The following PRDM6 variants were observed in gnomAD, a reference collection of about 807,000 sequenced individuals.
The protein encoded by PRDM6 is PR/SET domain 6, also known as putative histone-lysine N-methyltransferase PRDM6.
Under a neutral mutation model 60.8 loss-of-function variants are expected in PRDM6, and 25 were observed. That is an observed-to-expected ratio of 0.41 (90% CI 0.30 to 0.57). The LOEUF (loss-of-function observed/expected upper bound fraction) is 0.57. PRDM6 is among the 20% of genes least tolerant of loss of function. The probability of loss-of-function intolerance (pLI) is 0.27; values close to 1 mark genes in which losing one functional copy is unlikely to be tolerated. For synonymous variants in PRDM6, 407 were observed against 357.4 expected (o/e 1.14, Z -1.57); for missense variants, 839 against 821.3 (o/e 1.02, Z -0.26).
In PRDM6 at chr5:123,089,577, GT is replaced by G. The variant is rs1763753916; in HGVS notation, c.-16+59del. 10 of 171,718 alleles carry G rather than the reference GT, an allele frequency of 5.8e-5. No homozygotes were observed. In the South Asian group the frequency reaches 1.6e-3, roughly 28 times the overall value. The allele number at this position is 171,718 out of a possible 1,614,324, so 10.6% of individuals were successfully genotyped here. Reference sequence around the variant, plus strand: ...TAGGGCTTGGTAGATAGGAAGGTTGGTGGTCCTAGGTTGGGGGCGGGCGGCG... The same window carrying G: ...TAGGGCTTGGTAGATAGGAAGGTTGGGGTCCTAGGTTGGGGGCGGGCGGCG... On this transcript the variant is annotated intron_variant, in intron 1 of 7. Coordinates refer to ENST00000407847, the MANE Select transcript of PRDM6 (RefSeq NM_001136239.4).
intron 2 of PRDM6, among the ~76,000 whole-genome samples, chr5:123,094,538 A>G (rs181913019): frequency 7.5e-4 from 114 of 151,966 alleles, no homozygotes; most frequent in African/African-American, 2.6e-3. Context: ...GCGCCCTGAA[A>G]CCGAACATAC....
At chr5:123,100,226 T>C (rs1764069056) in intron 3 of PRDM6, among the ~76,000 whole-genome samples, 1 of 152,100 alleles carries the variant, frequency 6.6e-6, no homozygotes, top group African/African-American at 2.4e-5. Context: ...GAAGACAGAG[T>C]CACCTTAAGC....
Position 123,176,886 on chromosome 5 carries a change from A to G in PRDM6, c.1497-3261A>G, listed in dbSNP as rs148418648. Among the ~76,000 whole-genome samples the G allele has an allele frequency of 3.5e-3, 534 of 152,334 alleles. 2 individuals are homozygous for G. The highest frequency in any genetic ancestry group is 4.7e-3 in the African/African-American group (195 of 41,574). On this transcript the variant is annotated intron_variant, in intron 6 of 7. Coordinates refer to ENST00000407847, the MANE Select transcript of PRDM6 (RefSeq NM_001136239.4). ...ACTGATTATATCCAAAAATTTAATA[A>G]GTCTTACCTTTTGGTCAGACCTTGG...
chr5:123,151,942 T>C (rs890370729), intron 3 of PRDM6, among the ~76,000 whole-genome samples: 15 of 152,144 alleles, frequency 9.9e-5, no homozygotes, highest in Admixed American at 9.8e-4. Flanking sequence ...TTAAAGGGGA[T>C]CCTTCACTTA....
At chr5:123,149,641 T>C (rs1580519408) in intron 3 of PRDM6, among the ~76,000 whole-genome samples, 1 of 152,310 alleles carries the variant, frequency 6.6e-6, no homozygotes, top group Non-Finnish European at 1.5e-5. Context: ...TTTAGGAAAG[T>C]GTGGAGTTGA....
At chr5:123,184,112 A>T (rs1163387145) in intron 7 of PRDM6, among the ~76,000 whole-genome samples, 2 of 152,222 alleles carry the variant, frequency 1.3e-5, no homozygotes, top group Non-Finnish European at 2.9e-5. Flanking sequence ...AAATCAGTAA[A>T]TATGCATTGA....
chr5:123,113,054 A>G (rs1764352519), intron 3 of PRDM6, among the ~76,000 whole-genome samples: 1 of 152,196 alleles, frequency 6.6e-6, no homozygotes, highest in Non-Finnish European at 1.5e-5. Context: ...TTGAATTAAC[A>G]TAAAAATTGA....
intron 3 of PRDM6, among the ~76,000 whole-genome samples, chr5:123,152,980 G>A (rs1765403023): frequency 6.6e-6 from 1 of 152,082 alleles, no homozygotes; most frequent in Admixed American, 6.6e-5. Flanking sequence ...TAAGAATTAG[G>A]TCTCCCTTTT....
chr5:123,096,316 A>G (rs1763958778), intron 2 of PRDM6, among the ~76,000 whole-genome samples: 1 of 152,000 alleles, frequency 6.6e-6, no homozygotes, highest in African/African-American at 2.4e-5. Context: ...ACATTTATAC[A>G]TAGTTTGGTC....
intron 3 of PRDM6, among the ~76,000 whole-genome samples, chr5:123,105,774 C>G (rs1764187326): frequency 6.6e-6 from 1 of 152,210 alleles, no homozygotes; most frequent in Non-Finnish European, 1.5e-5. Flanking sequence ...ACAGGAAATA[C>G]AGACTTCGGT....
intron 3 of PRDM6, among the ~76,000 whole-genome samples, chr5:123,110,446 A>C (rs1032450405): frequency 6.6e-6 from 1 of 150,674 alleles, no homozygotes. Flanking sequence ...TTTAGTAGAG[A>C]TGGGGTTTCA....
intron 3 of PRDM6, among the ~76,000 whole-genome samples, chr5:123,142,994 A>G (rs1398641646): frequency 6.6e-6 from 1 of 151,906 alleles, no homozygotes; most frequent in Non-Finnish European, 1.5e-5. Context: ...TACTTCAGAG[A>G]CCGAAGAAAC....
intron 3 of PRDM6, among the ~76,000 whole-genome samples, chr5:123,122,432 A>G (rs2150218564): frequency 6.6e-6 from 1 of 152,238 alleles, no homozygotes; most frequent in Non-Finnish European, 1.5e-5. Flanking sequence ...CATTTTATTT[A>G]TTGGATTTCT....
Position 123,155,949 on chromosome 5 carries a change from G to T in PRDM6, c.966G>T (p.Trp322Cys). 1 of 1,551,674 alleles carries T rather than the reference G, an allele frequency of 6.4e-7. No individual in the cohort carries two copies. ...IDGGEPSKSS[W>C]MRYIRCARHC... is the part of the protein sequence containing the mutation. ...GTGGGGAACCTAGTAAGTCGAGCTG[G>T]ATGAGGTATATCCGATGTGCAAGGC... The change falls in exon 4 of 8, where the codon TGG (tryptophan) becomes TGT (cysteine). Residue 322 changes from tryptophan (W) to cysteine (C), a missense_variant. Around this residue, in one of 2 missense-constraint regions of PRDM6, gnomAD observed 730 missense variants for 648.8 expected, o/e 1.13. Coordinates refer to ENST00000407847, the MANE Select transcript of PRDM6 (RefSeq NM_001136239.4).
chr5:123,111,694 AAAC>A (rs1327168279), intron 3 of PRDM6, among the ~76,000 whole-genome samples: 16 of 104,738 alleles, frequency 1.5e-4, no homozygotes, highest in South Asian at 3.7e-4. Context: ...CGAGAAAACA[AAAC>A]AAAACAAAAC....
chr5:123,176,669 C>T (rs918421281), intron 6 of PRDM6, among the ~76,000 whole-genome samples: 17 of 152,018 alleles, frequency 1.1e-4, no homozygotes, highest in African/African-American at 2.7e-4. Flanking sequence ...GCCACGATCA[C>T]GCCACTGTAC....
intron 3 of PRDM6, among the ~76,000 whole-genome samples, chr5:123,104,766 G>A (rs1764170015): frequency 6.6e-6 from 1 of 152,102 alleles, no homozygotes; most frequent in Non-Finnish European, 1.5e-5. Context: ...TTTTATAGTG[G>A]TGCCTATTTG....
rs117165028 is a variant in PRDM6, at chr5:123,150,981, C to T, written c.901-4903C>T. Among the ~76,000 whole-genome samples, 142 of 152,200 alleles carry T rather than the reference C, an allele frequency of 9.3e-4. 3 individuals are homozygous for T. The East Asian group carries it at 0.025, about 27-fold the overall frequency. On this transcript the variant is annotated intron_variant, in intron 3 of 7. Transcript: ENST00000407847. ...AATACTTAGAATCAAGGTTTAATTG[C>T]GTTTAGTGGTAATTTCTTCTTAAGC...
intron 7 of PRDM6, among the ~76,000 whole-genome samples, chr5:123,183,314 G>C (rs576409551): frequency 6.6e-6 from 1 of 152,144 alleles, no homozygotes; most frequent in South Asian, 2.1e-4. Context: ...AGAATTCTCA[G>C]GGTTGAGCTG....
Sources: gnomAD v4.1 joint callset for allele counts (sites outside exome capture counted in the v4.1 genomes callset) on GRCh38, gnomAD v4.1.1 for gene constraint, gnomAD v4.1.1 regional missense constraint, MANE v1.5 for transcripts, NCBI Gene and HGNC (gene_info 2026-07-23, HGNC 2026-07-21) for gene names.